The following AGBL1 variants were observed in gnomAD, a reference collection of about 807,000 sequenced individuals.
The protein encoded by AGBL1 is AGBL carboxypeptidase 1, also known as cytosolic carboxypeptidase 4.
A neutral mutation model predicts 118.9 loss-of-function variants in AGBL1; 130 were observed. The observed-to-expected ratio is 1.09, with a 90% CI of 0.95 to 1.26. AGBL1 has a LOEUF of 1.26. Ranked by LOEUF, AGBL1 falls within the 50% of genes most tolerant of loss-of-function variation. The probability of loss-of-function intolerance (pLI) is 0.00; values close to 1 mark genes in which losing one functional copy is unlikely to be tolerated. For missense variants in AGBL1, 1,584 were observed against 1,298.1 expected (o/e 1.22, Z -3.38); for synonymous variants, 555 against 478.9 (o/e 1.16, Z -2.08).
chr15:86,345,030 A>T (rs1436284779), intron 17 of AGBL1, among the ~76,000 whole-genome samples: 1 of 152,134 alleles, frequency 6.6e-6, no homozygotes, highest in African/African-American at 2.4e-5. Context: ...ATATTAATTG[A>T]GCACCTCTTC....
At chr15:86,892,557 C>A (rs1567226985) in intron 22 of AGBL1, among the ~76,000 whole-genome samples, 1 of 152,134 alleles carries the variant, frequency 6.6e-6, no homozygotes. Context: ...ACTTCTAAAT[C>A]TCTTTTTCCA....
intron 24 of AGBL1, among the ~76,000 whole-genome samples, chr15:86,995,074 T>C (rs2081368051): frequency 6.6e-6 from 1 of 152,106 alleles, no homozygotes; most frequent in South Asian, 2.1e-4. Flanking sequence ...ATGTGGTAGA[T>C]AGTAAATTGT....
At chr15:86,899,441 A>G (rs955912708) in intron 22 of AGBL1, among the ~76,000 whole-genome samples, 1 of 152,170 alleles carries the variant, frequency 6.6e-6, no homozygotes, top group Non-Finnish European at 1.5e-5. Flanking sequence ...GTACTGGCTT[A>G]ATAGCTGAGT....
intron 18 of AGBL1, among the ~76,000 whole-genome samples, chr15:86,467,731 C>T (rs981316361): frequency 2.0e-5 from 3 of 152,180 alleles, no homozygotes; most frequent in Non-Finnish European, 4.4e-5. Flanking sequence ...GTAGGGAGTT[C>T]CCCAACCCCT....
In AGBL1 at chr15:86,204,505, C is replaced by A. The variant is rs538523501; in HGVS notation, c.489-20409C>A. On this transcript the variant is annotated intron_variant, in intron 5 of 22. Coordinates refer to ENST00000614907, the MANE Select transcript of AGBL1 (RefSeq NM_001386094.1). ...TTCCTTTCCCTTCCCCTTCCCCTTCCCCTTCCCCTTCCCCTTCCTTCCTTC... is the reference window on the plus strand; with the variant it reads ...TTCCTTTCCCTTCCCCTTCCCCTTCACCTTCCCCTTCCCCTTCCTTCCTTC... Among the ~76,000 whole-genome samples, 217 of 124,912 alleles carry A rather than the reference C, an allele frequency of 1.7e-3. 3 individuals are homozygous for A. In the South Asian group the frequency reaches 0.063, roughly 36 times the overall value. The allele number at this position is 124,912 out of a possible 152,430, so 81.9% of individuals were successfully genotyped here.
chr15:86,245,996 C>T (rs118077134), intron 6 of AGBL1, among the ~76,000 whole-genome samples: 6,456 of 152,280 alleles, frequency 0.042, 173 homozygotes, highest in Middle Eastern at 0.082. Context: ...AGTGATTCTC[C>T]TGCCTCAGTC....
chr15:86,851,255 G>A (rs1328480815), intron 22 of AGBL1, among the ~76,000 whole-genome samples: 1 of 152,170 alleles, frequency 6.6e-6, no homozygotes, highest in Non-Finnish European at 1.5e-5. Flanking sequence ...GGACCTATGG[G>A]TTCTCTGATT....
intron 21 of AGBL1, among the ~76,000 whole-genome samples, chr15:86,666,234 A>G (rs1053061229): frequency 2.6e-5 from 4 of 152,112 alleles, no homozygotes; most frequent in African/African-American, 9.7e-5. Flanking sequence ...GATTTATCAC[A>G]TAACCCTTGG....
At chr15:86,865,819 C>T (rs982916210) in intron 22 of AGBL1, among the ~76,000 whole-genome samples, 19 of 152,172 alleles carry the variant, frequency 1.2e-4, no homozygotes, top group African/African-American at 4.1e-4. Flanking sequence ...CCTAGCTCTC[C>T]CTCTTCCTTT....
intron 22 of AGBL1, among the ~76,000 whole-genome samples, chr15:86,859,161 C>A (rs76553330): frequency 6.6e-6 from 1 of 152,242 alleles, no homozygotes; most frequent in East Asian, 1.9e-4. Flanking sequence ...GAATGTTTCT[C>A]AGAGGAACTA....
At position 86,524,665 on chromosome 15, in the gene AGBL1, T is replaced by C. The variant is rs186621613; in HGVS notation, c.2685+1726T>C. On this transcript the variant is annotated intron_variant, in intron 19 of 22. Transcript: ENST00000614907. ...TCCTAGAGCCCCACCATAAGTCACA[T>C]TGTTAGCATCAACCATCTGGCATGG... 1.2e-4 allele frequency among the ~76,000 whole-genome samples: 19 copies of C among 152,294 alleles called. No individual in the cohort carries two copies. In the East Asian group the frequency reaches 3.1e-3, roughly 25 times the overall value.
chr15:86,738,473 G>T (rs949934282), intron 22 of AGBL1, among the ~76,000 whole-genome samples: 1 of 152,002 alleles, frequency 6.6e-6, no homozygotes, highest in Non-Finnish European at 1.5e-5. Flanking sequence ...CTCATATATA[G>T]AAAAACTTAA....
At chr15:86,307,852 T>C (rs1459106232) in intron 17 of AGBL1, among the ~76,000 whole-genome samples, 2 of 152,188 alleles carry the variant, frequency 1.3e-5, no homozygotes, top group Non-Finnish European at 2.9e-5. Context: ...TGGACATCTA[T>C]GTATACACAA....
Position 86,257,037 on chromosome 15 carries a change from T to C in AGBL1, c.901+19T>C. ...CCTGAAGGTAAAATAAGTTGGTAAC[T>C]ATGACCTTTAAGATGAGTTTTTGCA... On this transcript the variant is annotated intron_variant, in intron 8 of 22. Coordinates refer to ENST00000614907, the MANE Select transcript of AGBL1 (RefSeq NM_001386094.1). 1.2e-6 allele frequency: 2 copies of C among 1,608,810 alleles called. No homozygotes were observed. Among genetic ancestry groups the C allele is most frequent in the Non-Finnish European group, 1.7e-6 (2 of 1,177,042 alleles).
chr15:86,640,359 T>C (rs765069111), intron 21 of AGBL1, among the ~76,000 whole-genome samples: 95 of 152,312 alleles, frequency 6.2e-4, no homozygotes, highest in Non-Finnish European at 1.2e-3. Context: ...ATCAGATATC[T>C]TTTATAAAAT....
chr15:86,548,568 C>T (rs75215594), intron 20 of AGBL1, among the ~76,000 whole-genome samples: 3,406 of 151,946 alleles, frequency 0.022, 66 homozygotes, highest in Middle Eastern at 0.065. Flanking sequence ...GGTCTGTAAC[C>T]TTCTTGACTG....
intron 18 of AGBL1, among the ~76,000 whole-genome samples, chr15:86,436,743 A>T (rs2082004973): frequency 6.6e-6 from 1 of 152,232 alleles, no homozygotes; most frequent in African/African-American, 2.4e-5. Context: ...GCTGTTAATG[A>T]GGAATAGGGA....
chr15:86,425,966 A>ACG (rs1022332761), intron 18 of AGBL1, among the ~76,000 whole-genome samples: 6 of 77,186 alleles, frequency 7.8e-5, no homozygotes, highest in African/African-American at 6.5e-4. Context: ...CATAAAAATA[A>ACG]CACACAGATA....
chr15:86,948,397 T>C (rs183830719), intron 23 of AGBL1, among the ~76,000 whole-genome samples: 26 of 152,278 alleles, frequency 1.7e-4, no homozygotes, highest in Admixed American at 9.2e-4. Context: ...TAGACACATA[T>C]GGAACAAGAA....
Sources: allele counts gnomAD v4.1 joint callset (sites outside exome capture counted in the v4.1 genomes callset), GRCh38; gene constraint gnomAD v4.1.1; transcripts MANE v1.5; gene names NCBI Gene and HGNC (gene_info 2026-07-23, HGNC 2026-07-21).